AP1G1: variants seen among roughly 807,000 people sequenced by gnomAD.
The protein encoded by AP1G1 is AP-1 complex subunit gamma-1.
A neutral mutation model predicts 108.3 loss-of-function variants in AP1G1; 7 were observed. That is an observed-to-expected ratio of 0.06 (90% CI 0.04 to 0.12). The LOEUF (loss-of-function observed/expected upper bound fraction) is 0.12. AP1G1 is among the 10% of genes least tolerant of loss of function. The pLI, the probability that AP1G1 is intolerant of heterozygous loss-of-function variation, is 1.00. For synonymous variants in AP1G1, 379 were observed against 353.5 expected (o/e 1.07, Z -0.81); for missense variants, 756 against 1,010.7 (o/e 0.75, Z 3.42).
At chr16:71,753,109 G>A (rs2030594388) in intron 13 of AP1G1, among the ~76,000 whole-genome samples, 1 of 152,014 alleles carries the variant, frequency 6.6e-6, no homozygotes, top group Admixed American at 6.6e-5. Context: ...CTTTACAGTA[G>A]CTACTTCTAG....
At chr16:71,742,642 T>C (rs2029924240) in intron 19 of AP1G1, 1 of 152,124 alleles carries the variant, frequency 6.6e-6, no homozygotes, top group African/African-American at 2.4e-5. Context: ...TAATATTTGT[T>C]GAGGCCGCTA....
chr16:71,774,562 T>G lies in AP1G1; in HGVS notation c.232A>C (p.Lys78Gln), dbSNP rs1329683793. The change falls in exon 3 of 23, where the codon AAA becomes CAA. Residue 78 changes from lysine to glutamine, a missense_variant. Around this residue, in one of 3 missense-constraint regions of AP1G1, gnomAD observed 304 missense variants for 483.6 expected, o/e 0.63. Transcript: ENST00000299980. ...TAGCCAATGCGTTTGTCTGTAAATT[T>G]TTGAGAGGCAATAAGCTTGAGGCAC... ...LECLKLIASQ[K>Q]FTDKRIGYLG... 6.3e-7 allele frequency: 1 copy of G among 1,594,870 alleles called. No individual in the cohort carries two copies. The highest frequency in any genetic ancestry group is 8.5e-7 in the Non-Finnish European group (1 of 1,174,948).
chr16:71,785,162 A>C (rs566829003), intron 2 of AP1G1, among the ~76,000 whole-genome samples: 8 of 152,006 alleles, frequency 5.3e-5, no homozygotes, highest in African/African-American at 1.9e-4. Flanking sequence ...CATTTTCATC[A>C]GAAATAGCTA....
chr16:71,773,046 A>G (rs1169631910), intron 4 of AP1G1, 175 bp downstream of exon 4: 1 of 779,678 alleles, frequency 1.3e-6, no homozygotes, highest in Non-Finnish European at 2.2e-6. Flanking sequence ...TTGTTTATAA[A>G]TCATTTCCTT....
At chr16:71,769,561 G>A in intron 6 of AP1G1, 62 bp downstream of exon 6, 1 of 1,432,606 alleles carries the variant, frequency 7.0e-7, no homozygotes, top group Middle Eastern at 2.0e-4. Flanking sequence ...AGAAAATCAT[G>A]TACTTTTCAG....
At chr16:71,771,049 G>C in intron 5 of AP1G1, 107 bp downstream of exon 5, 1 of 617,438 alleles carries the variant, frequency 1.6e-6, no homozygotes, top group East Asian at 3.1e-5. Context: ...AGGCACAGCA[G>C]AAACGCGACT....
At position 71,808,665 on chromosome 16, in the gene AP1G1, T is replaced by A. The variant is rs764235158; in HGVS notation, c.-4+98A>T. 6 of 1,288,724 alleles carry A rather than the reference T, an allele frequency of 4.7e-6. No individual in the cohort carries two copies. The South Asian group carries it at 6.2e-5, about 13-fold the overall frequency. The allele number at this position is 1,288,724 out of a possible 1,614,324, so 79.8% of individuals were successfully genotyped here. The stretch of plus-strand genomic sequence containing the variant: ...CTTCTCAACACCCACAGCCTGGGAC[T>A]GGACCCCTGAAACTGAAAGGAAGCT... On this transcript the variant is annotated intron_variant, in intron 1 of 22. Transcript: ENST00000299980.
chr16:71,773,689 T>A (rs2031657989), intron 3 of AP1G1, among the ~76,000 whole-genome samples: 2 of 152,084 alleles, frequency 1.3e-5, no homozygotes. Context: ...ACACCTGTAA[T>A]CCTAGCACTT....
chr16:71,789,309 G>A lies in AP1G1; in HGVS notation c.171C>T (p.His57=), dbSNP rs752548302. The A allele has an allele frequency of 4.3e-6, 7 of 1,614,128 alleles. No individual in the cohort carries two copies. In the East Asian group the frequency reaches 1.6e-4, roughly 36 times the overall value. The part of the protein sequence containing the change: ...CRNVAKLLYM[H]MLGYPAHFGQ... Reference sequence around the variant, plus strand: ...CAAAGTGAGCAGGGTAGCCCAGCATGTGCATATACAGTAATTTTGCCACAT... The same window carrying A: ...CAAAGTGAGCAGGGTAGCCCAGCATATGCATATACAGTAATTTTGCCACAT... The change falls in exon 2 of 23, where the codon CAC becomes CAT. Residue 57 remains histidine, a synonymous_variant. Coordinates refer to ENST00000299980, the MANE Select transcript of AP1G1 (RefSeq NM_001128.6).
At chr16:71,782,160 C>T (rs1327325913) in intron 2 of AP1G1, among the ~76,000 whole-genome samples, 1 of 152,090 alleles carries the variant, frequency 6.6e-6, no homozygotes, top group African/African-American at 2.4e-5. Context: ...CAATCAATTG[C>T]AATTATTATC....
At chr16:71,763,426 A>G (rs1307190108) in intron 9 of AP1G1, among the ~76,000 whole-genome samples, 3 of 152,214 alleles carry the variant, frequency 2.0e-5, no homozygotes, top group Non-Finnish European at 2.9e-5. Flanking sequence ...AGTTCTGGAG[A>G]TAAACTATAG....
intron 2 of AP1G1, 30 bp downstream of exon 2, chr16:71,789,249 C>G: frequency 6.3e-7 from 1 of 1,587,624 alleles, no homozygotes; most frequent in Non-Finnish European, 8.6e-7. Context: ...AAAGAATACC[C>G]TTGCTACATG....
At chr16:71,787,342 A>T in intron 2 of AP1G1, among the ~76,000 whole-genome samples, 1 of 136,702 alleles carries the variant, frequency 7.3e-6, no homozygotes. Flanking sequence ...AAAAAAAAAA[A>T]AATTAGCTGG....
intron 3 of AP1G1, among the ~76,000 whole-genome samples, chr16:71,773,627 G>C (rs1487208028): frequency 6.6e-6 from 1 of 152,130 alleles, no homozygotes; most frequent in Non-Finnish European, 1.5e-5. Flanking sequence ...CTGGATGTCA[G>C]ACACACACTT....
intron 16 of AP1G1, among the ~76,000 whole-genome samples, chr16:71,747,937 GGC>G (rs1453536124): frequency 1.3e-5 from 2 of 151,912 alleles, no homozygotes; most frequent in Non-Finnish European, 2.9e-5. Flanking sequence ...AAAATATGAT[GGC>G]GCCACTGCAC....
rs199593090 is a variant in AP1G1, at chr16:71,750,244, C to A, written c.1373G>T (p.Arg458Leu). 1 of 1,613,902 alleles carries A rather than the reference C, an allele frequency of 6.2e-7. No homozygotes were observed. Among genetic ancestry groups the A allele is most frequent in the Non-Finnish European group, 8.5e-7 (1 of 1,179,952 alleles). ...SVEMHAYTVQ[R>L]LYKAILGDYS... ...ATCACCAAGAATTGCTTTGTACAGG[C>A]GCTGGACAGTATAGGCATGCATCTC... is the stretch of plus-strand genomic sequence containing the variant. Residue 458 changes from arginine to leucine, a missense_variant, in exon 14 of 23, where the codon CGC becomes CTC. Around this residue, in one of 3 missense-constraint regions of AP1G1, gnomAD observed 357 missense variants for 366.5 expected, o/e 0.97. Transcript: ENST00000299980.
At chr16:71,755,980 A>G in intron 12 of AP1G1, 39 bp downstream of exon 12, 1 of 1,591,148 alleles carries the variant, frequency 6.3e-7, no homozygotes, top group Non-Finnish European at 8.6e-7. Context: ...CAAAAGTTCC[A>G]AGCAGACTTT....
In AP1G1 at chr16:71,802,199, TTAAC is replaced by T. The variant is rs548816933; in HGVS notation, c.-4+6560_-4+6563del. Among the ~76,000 whole-genome samples the T allele has an allele frequency of 3.0e-3, 460 of 152,230 alleles. 2 individuals carry two copies. The highest frequency in any genetic ancestry group is 8.7e-3 in the African/African-American group (363 of 41,556). On this transcript the variant is annotated intron_variant, in intron 1 of 22. Coordinates refer to ENST00000299980, the MANE Select transcript of AP1G1 (RefSeq NM_001128.6). ...TTACAGCTCAAGTTAGTGAACCTAT[TTAAC>T]TAAACCTCAAAACTAAACAACTGAA... is the stretch of plus-strand genomic sequence containing the variant.
At chr16:71,743,257 G>C (rs2145423256) in intron 19 of AP1G1, 1 of 151,698 alleles carries the variant, frequency 6.6e-6, no homozygotes, top group East Asian at 1.9e-4. Context: ...ATTTTGTTAA[G>C]ACACAGACAT....
Sources: allele counts gnomAD v4.1 joint callset (sites outside exome capture counted in the v4.1 genomes callset), GRCh38; gene constraint gnomAD v4.1.1; regional missense constraint gnomAD v4.1.1; transcripts MANE v1.5; gene names NCBI Gene and HGNC (gene_info 2026-07-23, HGNC 2026-07-21).